Variants in TSC1 observed in about 807,000 individuals in gnomAD.
TSC1 encodes TSC complex subunit 1, also known as hamartin.
A neutral mutation model predicts 124.3 loss-of-function variants in TSC1; 20 were observed. The observed-to-expected ratio is 0.16, with a 90% CI of 0.11 to 0.23. The LOEUF (loss-of-function observed/expected upper bound fraction) is 0.23, where lower values mean the gene tolerates loss of function less well. TSC1 is among the 10% of genes least tolerant of loss of function. The pLI is 1.00. For synonymous variants in TSC1, 493 were observed against 539.1 expected, an observed-to-expected ratio of 0.91 and a Z score of 1.19; for missense variants, 1,124 against 1,448.5, an observed-to-expected ratio of 0.78 and a Z score of 3.64.
chr9:132,932,152 T>C (rs1445613918), intron 2 of TSC1, among the ~76,000 whole-genome samples: 1 of 152,234 alleles, frequency 6.6e-6, no homozygotes, highest in Admixed American at 6.5e-5. Flanking sequence ...TAGTTTAATA[T>C]TATCTTTAGT....
chr9:132,938,073 C>T (rs1309195793), intron 1 of TSC1, among the ~76,000 whole-genome samples: 2 of 152,130 alleles, frequency 1.3e-5, no homozygotes, highest in Non-Finnish European at 2.9e-5. Context: ...TTTATTACTG[C>T]ACTAAAAATG....
chr9:132,937,942 C>T (rs1847548467), intron 1 of TSC1, among the ~76,000 whole-genome samples: 1 of 152,162 alleles, frequency 6.6e-6, no homozygotes, highest in African/African-American at 2.4e-5. Flanking sequence ...TCTAGAACTC[C>T]TGGACTCAAG....
At position 132,906,146 on chromosome 9, in the gene TSC1, G is replaced by T. The variant is rs1588311354; in HGVS notation, c.1439-7C>A. 1.9e-6 allele frequency: 3 copies of T among 1,611,434 alleles called. No individual in the cohort carries two copies. The highest frequency in any genetic ancestry group is 2.5e-6 in the Non-Finnish European group (3 of 1,179,530). On this transcript the variant is annotated splice_polypyrimidine_tract_variant and splice_region_variant and intron_variant, in intron 14 of 22. Coordinates refer to ENST00000298552, the MANE Select transcript of TSC1 (RefSeq NM_000368.5). The surrounding 1 kb of genome is among the most constrained non-coding windows in gnomAD (Gnocchi z 4.1). The stretch of plus-strand genomic sequence containing the variant: ...AGTTCTCTAGATATTGCAGCTGAGA[G>T]GAAGAGAGGAAACAAAAGAAATGGC...
At chr9:132,914,194 C>A (rs1846141725) in intron 8 of TSC1, among the ~76,000 whole-genome samples, 1 of 151,966 alleles carries the variant, frequency 6.6e-6, no homozygotes, top group African/African-American at 2.4e-5. Flanking sequence ...GCCACTGTAC[C>A]CGGCCAAGAA....
chr9:132,897,174 T>G lies in TSC1; in HGVS notation c.2975+10A>C, dbSNP rs749460533. On this transcript the variant is annotated intron_variant, in intron 22 of 22. Coordinates refer to ENST00000298552, the MANE Select transcript of TSC1 (RefSeq NM_000368.5). ...AGTCCCAAGGTCATGAATCAGTTCT[T>G]TGTTCCTACCTTTCTTCTGCTGCTT... is the stretch of plus-strand genomic sequence containing the variant. 1 of 1,614,044 alleles carries G rather than the reference T, an allele frequency of 6.2e-7. No homozygotes were observed.
At chr9:132,925,535 C>T (rs1846803106) in intron 5 of TSC1, 52 bp downstream of exon 5, 1 of 1,610,832 alleles carries the variant, frequency 6.2e-7, no homozygotes, top group Admixed American at 1.7e-5. Flanking sequence ...CCTAAAATTT[C>T]AGAAACTATA....
chr9:132,896,786 T>C lies in TSC1; in HGVS notation c.2976-32A>G, dbSNP rs1232980364. 1.2e-6 allele frequency: 2 copies of C among 1,613,246 alleles called. No individual in the cohort carries two copies. The highest frequency in any genetic ancestry group is 1.1e-5 in the South Asian group (1 of 91,066). On this transcript the variant is annotated intron_variant, in intron 22 of 22. Coordinates refer to ENST00000298552, the MANE Select transcript of TSC1 (RefSeq NM_000368.5). This position sits in a 1 kb window ranked among gnomAD's most constrained non-coding sequence, Gnocchi z 4.5. ...GAAAGCCGGGGAGGAAAAAAGGAGC[T>C]GGTGATTGGACTGTCCACATTCGGA... is the stretch of plus-strand genomic sequence containing the variant.
chr9:132,906,589 T>A lies in TSC1; in HGVS notation c.1438+142A>T. The stretch of plus-strand genomic sequence containing the variant: ...AAAAGTGGCATCACTTTACCTGGCA[T>A]AGGTCCCAGACTAAACCACCCATCT... On this transcript the variant is annotated intron_variant, in intron 14 of 22. Coordinates refer to ENST00000298552, the MANE Select transcript of TSC1 (RefSeq NM_000368.5). The surrounding 1 kb of genome is among the most constrained non-coding windows in gnomAD (Gnocchi z 4.1). 1.4e-6 allele frequency: 1 copy of A among 695,510 alleles called. No individual in the cohort carries two copies. The highest frequency in any genetic ancestry group is 2.5e-6 in the Non-Finnish European group (1 of 399,358). 43.1% of individuals were successfully genotyped at this position (695,510 alleles called of 1,614,324 possible).
Position 132,896,972 on chromosome 9 carries a change from A to G in TSC1, c.2975+212T>C, listed in dbSNP as rs998317480. ...TTAAGTGTGAACACTTCCTGTGGCCATATGGAGGGACTCAAGGCCAGGAAC... is the reference window on the plus strand; with the variant it reads ...TTAAGTGTGAACACTTCCTGTGGCCGTATGGAGGGACTCAAGGCCAGGAAC... On this transcript the variant is annotated intron_variant, in intron 22 of 22. Coordinates refer to ENST00000298552, the MANE Select transcript of TSC1 (RefSeq NM_000368.5). This position sits in a 1 kb window ranked among gnomAD's most constrained non-coding sequence, Gnocchi z 4.5. Among the ~76,000 whole-genome samples, 2 of 152,202 alleles carry G rather than the reference A, an allele frequency of 1.3e-5. No homozygotes were observed. The highest frequency in any genetic ancestry group is 4.8e-5 in the African/African-American group (2 of 41,456).
chr9:132,930,633 G>C (rs563302723), intron 2 of TSC1, among the ~76,000 whole-genome samples: 1 of 146,260 alleles, frequency 6.8e-6, no homozygotes, highest in African/African-American at 2.5e-5. Context: ...AGCTCCTTCT[G>C]CAAGAATGCC....
intron 8 of TSC1, among the ~76,000 whole-genome samples, chr9:132,915,243 G>A (rs1267218961): frequency 6.6e-6 from 1 of 152,056 alleles, no homozygotes; most frequent in East Asian, 1.9e-4. Flanking sequence ...CACCGGGGAG[G>A]CTGAAGCAGG....
chr9:132,921,685 G>T lies in TSC1; in HGVS notation c.663+134C>A. On this transcript the variant is annotated intron_variant, in intron 7 of 22. Coordinates refer to ENST00000298552, the MANE Select transcript of TSC1 (RefSeq NM_000368.5). This position sits in a 1 kb window ranked among gnomAD's most constrained non-coding sequence, Gnocchi z 4.3. ...CAGAAAACAGATTAGTGGCTGCCTAGGGATTGGAGTGGCGAGGAAGAAAAC... is the reference window on the plus strand; with the variant it reads ...CAGAAAACAGATTAGTGGCTGCCTATGGATTGGAGTGGCGAGGAAGAAAAC... 8.2e-7 allele frequency: 1 copy of T among 1,217,324 alleles called. No homozygotes were observed. The allele number at this position is 1,217,324 out of a possible 1,614,324, so 75.4% of individuals were successfully genotyped here.
Position 132,900,762 on chromosome 9 carries a change from C to T in TSC1, c.2578G>A (p.Glu860Lys), listed in dbSNP as rs1169898186. Residue 860 changes from glutamate (E) to lysine (K), a missense_variant, in exon 20 of 23, where the codon GAG (glutamate) becomes AAG (lysine). Around this residue, in one of 5 missense-constraint regions of TSC1, gnomAD observed 325 missense variants for 383.4 expected, o/e 0.85. Transcript: ENST00000298552. Reference sequence around the variant, plus strand: ...TTCTGCAGTTGTTCCAAATAGAGCTCGTTGACCTCCCCAAGAACCAACAGC... The same window carrying T: ...TTCTGCAGTTGTTCCAAATAGAGCTTGTTGACCTCCCCAAGAACCAACAGC... ...RQLLVLGEVN[E>K]LYLEQLQNKH... The T allele has an allele frequency of 1.9e-6, 3 of 1,614,170 alleles. No homozygotes were observed. Among genetic ancestry groups the T allele is most frequent in the East Asian group, 2.2e-5 (1 of 44,882 alleles).
intron 2 of TSC1, among the ~76,000 whole-genome samples, 157 bp downstream of exon 2, chr9:132,934,876 A>G (rs141295354): frequency 6.6e-4 from 100 of 152,370 alleles, no homozygotes; most frequent in Non-Finnish European, 1.3e-3. Context: ...ACAAGCAACT[A>G]ATAATCATCA....
intron 2 of TSC1, among the ~76,000 whole-genome samples, chr9:132,929,472 C>T (rs982278132): frequency 6.6e-6 from 1 of 152,226 alleles, no homozygotes; most frequent in African/African-American, 2.4e-5. Flanking sequence ...GCATATACCT[C>T]TCATCTGAGA....
At position 132,911,530 on chromosome 9, in the gene TSC1, T is replaced by C. The variant is rs1392501159; in HGVS notation, c.952A>G (p.Met318Val). 1 of 1,589,904 alleles carries C rather than the reference T, an allele frequency of 6.3e-7. No homozygotes were observed. Residue 318 changes from methionine to valine, a missense_variant, in exon 10 of 23, where the codon ATG (methionine) becomes GTG (valine). By Grantham distance (21) the Met-to-Val change is conservative (BLOSUM62 1). Transcript: ENST00000298552. ...AGCTGCCCTGGCATATTTAACAACA[T>C]CAGCCGAGACGTGGAGTAAGGGGTA... ...TSTPYSTSRL[M>V]LLNMPGQLPQ...
rs1057523194 is a variant in TSC1, at chr9:132,903,710, T to G, written c.2149A>C (p.Arg717=). 1 of 1,613,196 alleles carries G rather than the reference T, an allele frequency of 6.2e-7. No homozygotes were observed. The highest frequency in any genetic ancestry group is 8.5e-7 in the Non-Finnish European group (1 of 1,180,044). Residue 717 remains arginine, a synonymous_variant, in exon 17 of 23, where the codon AGG becomes CGG. Transcript: ENST00000298552. The surrounding 1 kb of genome is among the most constrained non-coding windows in gnomAD (Gnocchi z 5.9). ...FKRQQHALRN[R]RLLRKVIKAA... ...TTGATCACCTTGCGGAGGAGCCGCC[T>G]GTTCCGGAGGGCATGCTGCTGCCTC...
At chr9:132,919,867 C>T (rs1392133502) in intron 8 of TSC1, among the ~76,000 whole-genome samples, 2 of 152,176 alleles carry the variant, frequency 1.3e-5, no homozygotes, top group African/African-American at 4.8e-5. Context: ...GTGACCCTGG[C>T]CTGTATAACT....
chr9:132,919,589 C>G (rs1846440043), intron 8 of TSC1, among the ~76,000 whole-genome samples: 1 of 152,176 alleles, frequency 6.6e-6, no homozygotes, highest in Non-Finnish European at 1.5e-5. Context: ...TAAGTCTACA[C>G]CAGCCAAAAC....
Sources: gnomAD v4.1 joint callset for allele counts (sites outside exome capture counted in the v4.1 genomes callset) on GRCh38, gnomAD v4.1.1 for gene constraint, gnomAD v4.1.1 regional missense constraint, Gnocchi (gnomAD v3.1) non-coding constraint, MANE v1.5 for transcripts, NCBI Gene and HGNC (gene_info 2026-07-23, HGNC 2026-07-21) for gene names.